ABCA13: variants seen among roughly 807,000 people sequenced by gnomAD.
ABCA13 encodes ATP-binding cassette sub-family A member 13.
ABCA13 carries 476 observed loss-of-function variants against 478.7 expected under a neutral mutation model. That is an observed-to-expected ratio of 0.99 (90% CI 0.92 to 1.07). The LOEUF (loss-of-function observed/expected upper bound fraction) is 1.07, where lower values mean the gene tolerates loss of function less well. Ranked by LOEUF, ABCA13 falls within the 50% of genes least tolerant of loss-of-function variation. ABCA13 has a pLI of 0.00. For missense variants in ABCA13, 6,060 were observed against 5,910.6 expected (o/e 1.03, Z -0.83); for synonymous variants, 2,252 against 2,158.9 (o/e 1.04, Z -1.20).
chr7:48,299,952 G>A (rs990752484), intron 23 of ABCA13, among the ~76,000 whole-genome samples: 10 of 152,208 alleles, frequency 6.6e-5, no homozygotes, highest in Admixed American at 6.5e-4. Flanking sequence ...AAGTAATTGG[G>A]AGGAGTATTT....
chr7:48,442,412 A>G (rs927786858), intron 42 of ABCA13, among the ~76,000 whole-genome samples: 11 of 152,184 alleles, frequency 7.2e-5, no homozygotes, highest in Non-Finnish European at 1.0e-4. Flanking sequence ...TCATCCAGGC[A>G]CAATGCCTAT....
chr7:48,601,974 T>C (rs527941716), intron 58 of ABCA13, among the ~76,000 whole-genome samples: 61 of 152,374 alleles, frequency 4.0e-4, no homozygotes, highest in African/African-American at 1.4e-3. Context: ...TAATGACCAG[T>C]GATGATGAGC....
At chr7:48,517,490 C>T (rs1051527795) in intron 52 of ABCA13, among the ~76,000 whole-genome samples, 3 of 152,128 alleles carry the variant, frequency 2.0e-5, no homozygotes, top group East Asian at 3.9e-4. Flanking sequence ...TCCAATAGGC[C>T]GTTCTGATTA....
intron 51 of ABCA13, among the ~76,000 whole-genome samples, chr7:48,514,065 A>G (rs974388452): frequency 6.6e-6 from 1 of 152,244 alleles, no homozygotes; most frequent in Non-Finnish European, 1.5e-5. Flanking sequence ...ATCCTGAACC[A>G]TCTCAAAGGA....
chr7:48,352,866 A>G (rs1809268815), intron 31 of ABCA13, among the ~76,000 whole-genome samples: 1 of 152,032 alleles, frequency 6.6e-6, no homozygotes, highest in Admixed American at 6.5e-5. Flanking sequence ...ATCCTTAGAT[A>G]TAGGCTGTAT....
Position 48,555,337 on chromosome 7 carries a change from G to A in ABCA13, c.14355-24887G>A, listed in dbSNP as rs113055101. Among the ~76,000 whole-genome samples the A allele has an allele frequency of 6.2e-3, 945 of 151,904 alleles. 10 individuals are homozygous for A. The highest frequency in any genetic ancestry group is 0.022 in the African/African-American group (899 of 41,488). ...CTGATGTGGGTATTAAGGTAATACT[G>A]GCCTCATAGATTGAGTTTGGAAGTA... On this transcript the variant is annotated intron_variant, in intron 55 of 61. Transcript: ENST00000435803.
chr7:48,408,009 G>A (rs1262612586), intron 39 of ABCA13, among the ~76,000 whole-genome samples: 1 of 152,170 alleles, frequency 6.6e-6, no homozygotes. Flanking sequence ...ACAAATGTAT[G>A]TATACATTGT....
intron 29 of ABCA13, among the ~76,000 whole-genome samples, chr7:48,341,858 T>C (rs1254647153): frequency 6.9e-5 from 6 of 86,702 alleles, no homozygotes; most frequent in African/African-American, 2.7e-4. Flanking sequence ...ATCTTTCTGA[T>C]ATATATATAT....
chr7:48,622,998 C>A (rs1793297782), intron 59 of ABCA13, among the ~76,000 whole-genome samples: 1 of 152,138 alleles, frequency 6.6e-6, no homozygotes, highest in Admixed American at 6.5e-5. Context: ...AAGAAGTGAG[C>A]CTCCTACCTG....
At chr7:48,328,049 C>T (rs952408987) in intron 27 of ABCA13, among the ~76,000 whole-genome samples, 7 of 152,168 alleles carry the variant, frequency 4.6e-5, no homozygotes, top group Non-Finnish European at 7.3e-5. Context: ...TAAACGGACA[C>T]AAAGCCTGAT....
At chr7:48,233,640 A>T (rs1789510147) in intron 7 of ABCA13, among the ~76,000 whole-genome samples, 1 of 152,230 alleles carries the variant, frequency 6.6e-6, no homozygotes, top group South Asian at 2.1e-4. Flanking sequence ...TCAATATTTT[A>T]TCAGTATAGA....
In ABCA13 at chr7:48,440,706, A is replaced by C. The variant is rs538818242; in HGVS notation, c.12565+12835A>C. Among the ~76,000 whole-genome samples the C allele has an allele frequency of 2.7e-4, 41 of 151,732 alleles. No individual in the cohort carries two copies. In the South Asian group the frequency reaches 8.5e-3, roughly 32 times the overall value. The stretch of plus-strand genomic sequence containing the variant: ...AATTTATGTTGAAGATGTATTGCCT[A>C]TATATATCCTCTATATAGGATATAT... On this transcript the variant is annotated intron_variant, in intron 42 of 61. Transcript: ENST00000435803.
intron 55 of ABCA13, among the ~76,000 whole-genome samples, chr7:48,540,174 G>T (rs1488411931): frequency 6.6e-6 from 1 of 151,748 alleles, no homozygotes; most frequent in East Asian, 1.9e-4. Context: ...TGAATTTGGA[G>T]GTAGGTTTTG....
chr7:48,499,698 A>G (rs987946838), intron 48 of ABCA13, among the ~76,000 whole-genome samples: 3 of 152,240 alleles, frequency 2.0e-5, no homozygotes, highest in African/African-American at 7.2e-5. Flanking sequence ...AAATGTACTC[A>G]ACATGTACAT....
chr7:48,297,083 C>A, intron 21 of ABCA13, 149 bp from the exon 22 acceptor site: 1 of 682,790 alleles, frequency 1.5e-6, no homozygotes, highest in Non-Finnish European at 2.5e-6. Context: ...TATTGGGAGA[C>A]ATGTGGGTCT....
chr7:48,356,148 A>AGT (rs1330441297), intron 31 of ABCA13, among the ~76,000 whole-genome samples: 1 of 151,960 alleles, frequency 6.6e-6, no homozygotes, highest in African/African-American at 2.4e-5. Flanking sequence ...CAGGAAGAGG[A>AGT]GTGATCAAGT....
chr7:48,197,646 G>T (rs1441041325), intron 2 of ABCA13, among the ~76,000 whole-genome samples: 1 of 148,348 alleles, frequency 6.7e-6, no homozygotes, highest in Non-Finnish European at 1.5e-5. Context: ...CCCTCCTGAT[G>T]GTGTGAAGGG....
chr7:48,428,921 G>A (rs1227417610), intron 42 of ABCA13, among the ~76,000 whole-genome samples: 1 of 152,110 alleles, frequency 6.6e-6, no homozygotes, highest in South Asian at 2.1e-4. Flanking sequence ...CTGAAAACTG[G>A]TGTCACTTAG....
Position 48,297,314 on chromosome 7 carries a change from A to C in ABCA13, c.9199+3A>C. 8 of 1,603,702 alleles carry C rather than the reference A, an allele frequency of 5.0e-6. No individual in the cohort carries two copies. The highest frequency in any genetic ancestry group is 6.8e-6 in the Non-Finnish European group (8 of 1,174,600). ...CAGCAATTTCACAGTAACTGAGGGT[A>C]AGTATGTGGTTTTCCAAGTTTGCTT... On this transcript the variant is annotated splice_donor_region_variant and intron_variant, in intron 22 of 61. Transcript: ENST00000435803.
Sources: gnomAD v4.1 joint callset for allele counts (sites outside exome capture counted in the v4.1 genomes callset) on GRCh38, gnomAD v4.1.1 for gene constraint, MANE v1.5 for transcripts, NCBI Gene and HGNC (gene_info 2026-07-23, HGNC 2026-07-21) for gene names.